The following XRN1 variants were observed in gnomAD, a reference collection of about 807,000 sequenced individuals.
XRN1 encodes the protein strand-exchange protein 1 homolog.
In XRN1, 67 loss-of-function variants were observed where a neutral mutation model predicts 222.3. The ratio of observed to expected loss-of-function variants is 0.30; its 90% CI spans 0.25 to 0.37. XRN1 has a LOEUF of 0.37. Ranked by LOEUF, XRN1 falls within the 10% of genes least tolerant of loss-of-function variation. The pLI is 1.00. For missense variants in XRN1, 1,707 were observed against 2,000.2 expected, an observed-to-expected ratio of 0.85 and a Z score of 2.80; for synonymous variants, 643 against 652.4, an observed-to-expected ratio of 0.99 and a Z score of 0.22.
In XRN1 at chr3:142,345,259, A is replaced by G. The variant is rs75439226; in HGVS notation, c.3877+1975T>C. On this transcript the variant is annotated intron_variant, in intron 33 of 40. Coordinates refer to ENST00000392981, the MANE Select transcript of XRN1 (RefSeq NM_001282857.2). Reference sequence around the variant, plus strand: ...CCAAATAATTTTTGACAAGGGTGCCAAGACTATTCAATGGGGTGTCAAGAA... The same window carrying G: ...CCAAATAATTTTTGACAAGGGTGCCGAGACTATTCAATGGGGTGTCAAGAA... Among the ~76,000 whole-genome samples, 57 of 152,300 alleles carry G rather than the reference A, an allele frequency of 3.7e-4. 1 individual carries two copies. In the East Asian group the frequency reaches 9.1e-3, roughly 24 times the overall value.
At chr3:142,407,087 T>C (rs1422217082) in intron 15 of XRN1, among the ~76,000 whole-genome samples, 2 of 152,240 alleles carry the variant, frequency 1.3e-5, no homozygotes, top group Admixed American at 6.5e-5. Flanking sequence ...TGCGTAAGTA[T>C]ATCTCAGCAC....
intron 29 of XRN1, among the ~76,000 whole-genome samples, chr3:142,362,903 T>C (rs2066692323): frequency 6.6e-6 from 1 of 151,748 alleles, no homozygotes; most frequent in East Asian, 1.9e-4. Flanking sequence ...CCTGATTAGC[T>C]GGGAGTACAG....
At chr3:142,355,282 A>T in intron 32 of XRN1, 119 bp downstream of exon 32, 1 of 526,056 alleles carries the variant, frequency 1.9e-6, no homozygotes, top group East Asian at 3.6e-5. Context: ...TTCATGATCA[A>T]AATTGTCATT....
intron 32 of XRN1, 23 bp downstream of exon 32, chr3:142,355,378 C>G (rs1233000839): frequency 7.9e-7 from 1 of 1,267,704 alleles, no homozygotes; most frequent in Non-Finnish European, 1.1e-6. Flanking sequence ...AATTAATTGT[C>G]CATCAAAACA....
chr3:142,318,955 C>T (rs1577209782), intron 37 of XRN1, 52 bp from the exon 38 acceptor site: 1 of 1,464,030 alleles, frequency 6.8e-7, no homozygotes, highest in East Asian at 2.3e-5. Context: ...AGGAAGTTGA[C>T]CTCTCCCAAA....
chr3:142,312,730 G>C lies in XRN1; in HGVS notation c.4650C>G (p.Leu1550=). 6.2e-7 allele frequency: 1 copy of C among 1,612,110 alleles called. No individual in the cohort carries two copies. Among genetic ancestry groups the C allele is most frequent in the Non-Finnish European group, 8.5e-7 (1 of 1,179,194 alleles). Residue 1550 remains leucine, a synonymous_variant, in exon 40 of 41, where the codon CTC becomes CTG. Transcript: ENST00000392981. ...ATGGTCCCCATGGCATTGAGCCAAA[G>C]AGATGAGACGACGAAGGCATTATAT... ...TANIMPSSSH[L]FGSMPWGPSV...
chr3:142,365,460 G>A, intron 27 of XRN1, 94 bp from the exon 28 acceptor site: 3 of 882,050 alleles, frequency 3.4e-6, no homozygotes. Flanking sequence ...ATTTTAAAAA[G>A]CCAAATGAAG....
At chr3:142,357,238 A>G (rs2066488901) in intron 30 of XRN1, 119 bp from the exon 31 acceptor site, 1 of 919,626 alleles carries the variant, frequency 1.1e-6, no homozygotes. Context: ...TTACTTTTTA[A>G]TTCGGTAGAG....
chr3:142,346,155 G>A (rs6784497), intron 33 of XRN1, among the ~76,000 whole-genome samples: 133 of 152,204 alleles, frequency 8.7e-4, no homozygotes, highest in African/African-American at 3.1e-3. Context: ...TGGATGAACC[G>A]ATAAAATGTA....
At chr3:142,423,032 G>A (rs1420248916) in intron 6 of XRN1, 110 bp from the exon 7 acceptor site, 2 of 813,636 alleles carry the variant, frequency 2.5e-6, no homozygotes, top group African/African-American at 1.7e-5. Context: ...GTAAGGTCTT[G>A]TAATTAAGGC....
chr3:142,422,915 C>A lies in XRN1; in HGVS notation c.718G>T (p.Ala240Ser), dbSNP rs941132445. The change falls in exon 7 of 41, where the codon GCT becomes TCT. Residue 240 changes from alanine (A) to serine (S), a missense_variant. Transcript: ENST00000392981. Reference sequence around the variant, plus strand: ...AGGTGAAATGTAGTTTCTTCTGGAGCACATACCCTGGAATTAGTCAGATGA... The same window carrying A: ...AGGTGAAATGTAGTTTCTTCTGGAGAACATACCCTGGAATTAGTCAGATGA... ...FGGKKTQRVCAPEETTFHLLH... is the reference protein window; with the variant it reads ...FGGKKTQRVCSPEETTFHLLH... 12 of 1,610,850 alleles carry A rather than the reference C, an allele frequency of 7.4e-6. No individual in the cohort carries two copies. Among genetic ancestry groups the A allele is most frequent in the Non-Finnish European group, 1.0e-5 (12 of 1,178,250 alleles).
At chr3:142,417,032 AAAAAAT>A in intron 13 of XRN1, 102 bp downstream of exon 13, 1 of 822,274 alleles carries the variant, frequency 1.2e-6, no homozygotes, top group Non-Finnish European at 1.8e-6. Flanking sequence ...AAAAAAAAAA[AAAAAAT>A]TACCATAAGT....
chr3:142,389,326 A>G (rs939495753), intron 20 of XRN1, among the ~76,000 whole-genome samples: 1 of 151,594 alleles, frequency 6.6e-6, no homozygotes, highest in African/African-American at 2.4e-5. Context: ...TTTTTTTGCT[A>G]TTTCCACCAC....
chr3:142,418,305 G>T, intron 12 of XRN1, 199 bp downstream of exon 12: 1 of 456,256 alleles, frequency 2.2e-6, no homozygotes, highest in Non-Finnish European at 3.8e-6. Context: ...TTTCTCTTCA[G>T]CAATTTTTAT....
Position 142,429,504 on chromosome 3 carries a change from G to T in XRN1, c.309-2663C>A, listed in dbSNP as rs538723678. Among the ~76,000 whole-genome samples, 6 of 152,198 alleles carry T rather than the reference G, an allele frequency of 3.9e-5. No homozygotes were observed. In the East Asian group the frequency reaches 7.7e-4, roughly 20 times the overall value. ...TAGTGGCATGGTGGGGATAAAAGAAGGCAGATTTAGAAATAAGTAAAACAG... is the reference window on the plus strand; with the variant it reads ...TAGTGGCATGGTGGGGATAAAAGAATGCAGATTTAGAAATAAGTAAAACAG... On this transcript the variant is annotated intron_variant, in intron 2 of 40. Coordinates refer to ENST00000392981, the MANE Select transcript of XRN1 (RefSeq NM_001282857.2).
intron 3 of XRN1, among the ~76,000 whole-genome samples, chr3:142,426,123 A>C (rs74638498): frequency 1.3e-5 from 2 of 152,312 alleles, no homozygotes; most frequent in African/African-American, 4.8e-5. Context: ...AATGCACTTA[A>C]AGAAAGGGCA....
chr3:142,327,885 G>A (rs1380964685), intron 37 of XRN1, among the ~76,000 whole-genome samples: 3 of 151,890 alleles, frequency 2.0e-5, no homozygotes, highest in Non-Finnish European at 4.4e-5. Flanking sequence ...ATATCCCTAT[G>A]TACACATTAT....
At chr3:142,438,585 C>G (rs946066177) in intron 1 of XRN1, among the ~76,000 whole-genome samples, 1 of 152,068 alleles carries the variant, frequency 6.6e-6, no homozygotes, top group Non-Finnish European at 1.5e-5. Context: ...CGTTCTCCCC[C>G]ACAAGGCAAA....
At chr3:142,421,174 T>G in intron 9 of XRN1, 21 bp from the exon 10 acceptor site, 1 of 1,530,808 alleles carries the variant, frequency 6.5e-7, no homozygotes, top group Non-Finnish European at 8.7e-7. Context: ...ATATTTAAAT[T>G]TATTTTTAAA....
Sources: allele counts gnomAD v4.1 joint callset (sites outside exome capture counted in the v4.1 genomes callset), GRCh38; gene constraint gnomAD v4.1.1; transcripts MANE v1.5; gene names NCBI Gene and HGNC (gene_info 2026-07-23, HGNC 2026-07-21).